The following SLC41A3 variants were observed in gnomAD, a reference collection of about 807,000 sequenced individuals.
SLC41A3 encodes the protein SLC41A1-like 2.
In SLC41A3, 44 loss-of-function variants were observed where a neutral mutation model predicts 45.4. The ratio of observed to expected loss-of-function variants is 0.97; its 90% CI spans 0.76 to 1.25. The LOEUF (loss-of-function observed/expected upper bound fraction) is 1.25. SLC41A3 is among the 50% of genes most tolerant of loss of function. The probability of loss-of-function intolerance (pLI) is 0.00; values close to 1 mark genes in which losing one functional copy is unlikely to be tolerated. For missense variants in SLC41A3, 550 were observed against 600.6 expected (o/e 0.92, Z 0.88); for synonymous variants, 256 against 252.4 (o/e 1.01, Z -0.13).
chr3:126,095,611 C>T (rs1293209639), intron 1 of SLC41A3, among the ~76,000 whole-genome samples: 1 of 152,200 alleles, frequency 6.6e-6, no homozygotes, highest in Non-Finnish European at 1.5e-5. Context: ...TTTCTGATCT[C>T]AGTATTTACC....
At chr3:126,096,232 GATT>G (rs1476389277) in intron 1 of SLC41A3, among the ~76,000 whole-genome samples, 6 of 152,212 alleles carry the variant, frequency 3.9e-5, no homozygotes, top group Non-Finnish European at 5.9e-5. Flanking sequence ...TGATTTCAAT[GATT>G]ATTATGCTTT....
chr3:126,035,643 G>A (rs1300407971), intron 3 of SLC41A3, among the ~76,000 whole-genome samples: 2 of 152,222 alleles, frequency 1.3e-5, no homozygotes, highest in Non-Finnish European at 2.9e-5. Context: ...TGGGTATCAA[G>A]GATGGAGGGA....
At chr3:126,034,530 G>A (rs1942043986) in intron 3 of SLC41A3, among the ~76,000 whole-genome samples, 1 of 152,214 alleles carries the variant, frequency 6.6e-6, no homozygotes, top group African/African-American at 2.4e-5. Flanking sequence ...CTGACATCTG[G>A]GATGCGGCAC....
intron 1 of SLC41A3, chr3:126,070,270 C>T (rs1229448229): frequency 6.6e-6 from 1 of 152,242 alleles, no homozygotes; most frequent in Non-Finnish European, 1.5e-5. Flanking sequence ...AGGTGAGCGG[C>T]TCCCGGCGAG....
chr3:126,040,402 C>A (rs1348052128), intron 3 of SLC41A3, among the ~76,000 whole-genome samples: 1 of 152,054 alleles, frequency 6.6e-6, no homozygotes, highest in African/African-American at 2.4e-5. Context: ...TGGAAAGTGA[C>A]AAATTGGGTT....
intron 1 of SLC41A3, among the ~76,000 whole-genome samples, chr3:126,080,798 A>C (rs899271824): frequency 1.3e-5 from 2 of 152,180 alleles, no homozygotes; most frequent in Non-Finnish European, 2.9e-5. Context: ...TAAAATACAA[A>C]AAATTAGCTG....
chr3:126,022,508 AGCTC>A (rs1940976174), intron 6 of SLC41A3, among the ~76,000 whole-genome samples: 2 of 152,250 alleles, frequency 1.3e-5, no homozygotes, highest in Non-Finnish European at 2.9e-5. Context: ...CCCAGCGTGC[AGCTC>A]AGGTCTCACC....
In SLC41A3 at chr3:126,007,131, C is replaced by G. The variant is rs1415537870; in HGVS notation, c.1349G>C (p.Gly450Ala). 3 of 1,614,056 alleles carry G rather than the reference C, an allele frequency of 1.9e-6. No homozygotes were observed. Among genetic ancestry groups the G allele is most frequent in the Non-Finnish European group, 1.7e-6 (2 of 1,180,044 alleles). The change falls in exon 11 of 11, where the codon GGG becomes GCG. Residue 450 changes from glycine (G) to alanine (A), a missense_variant. By Grantham distance (60) the Gly-to-Ala change is moderately conservative (BLOSUM62 0). Coordinates refer to ENST00000360370, the MANE Select transcript of SLC41A3 (RefSeq NM_017836.4). ...PDNHCIPYLTGLGDLLGTGLL... is the reference protein window; with the variant it reads ...PDNHCIPYLTALGDLLGTGLL... ...GCCAGTACCGAGCAGGTCCCCCAGC[C>G]CTGTAAGGTAGGGGATGCAGTGGTT...
chr3:126,066,751 C>T (rs1944365942), intron 2 of SLC41A3, among the ~76,000 whole-genome samples: 1 of 152,186 alleles, frequency 6.6e-6, no homozygotes, highest in African/African-American at 2.4e-5. Context: ...GCCTAATCCT[C>T]TTTACCTTGA....
At chr3:126,074,664 G>C (rs988808789) in intron 1 of SLC41A3, among the ~76,000 whole-genome samples, 1 of 151,792 alleles carries the variant, frequency 6.6e-6, no homozygotes, top group Non-Finnish European at 1.5e-5. Flanking sequence ...TTGGGTTTTT[G>C]GGTTGTTTGG....
intron 1 of SLC41A3, among the ~76,000 whole-genome samples, chr3:126,075,773 A>T (rs6414303): frequency 0.66 from 99,666 of 151,996 alleles, 32,983 homozygotes; most frequent in African/African-American, 0.72. Flanking sequence ...CAACTGAATA[A>T]TCACATGCAA....
intron 2 of SLC41A3, among the ~76,000 whole-genome samples, chr3:126,066,253 C>T (rs764611629): frequency 3.3e-5 from 5 of 152,320 alleles, no homozygotes; most frequent in African/African-American, 4.8e-5. Context: ...AACTGAGGCT[C>T]GCAGTCCAGT....
chr3:126,026,185 C>G lies in SLC41A3; in HGVS notation c.598+150G>C. ...GGCCATGAAGACCCAGCTGGCTCGT[C>G]CCACCCTGCCAGTGAGAACCCTGAG... On this transcript the variant is annotated intron_variant, in intron 5 of 10. Coordinates refer to ENST00000360370, the MANE Select transcript of SLC41A3 (RefSeq NM_017836.4). This position sits in a 1 kb window ranked among gnomAD's most constrained non-coding sequence, Gnocchi z 4.2. The G allele has an allele frequency of 1.6e-6, 2 of 1,270,004 alleles. No individual in the cohort carries two copies. The highest frequency in any genetic ancestry group is 2.1e-6 in the Non-Finnish European group (2 of 932,110). 78.7% of individuals were successfully genotyped at this position (1,270,004 alleles called of 1,614,324 possible).
Position 126,084,087 on chromosome 3 carries a change from G to GCTTACCGGGTCC in SLC41A3, c.-34_-28+5dup, listed in dbSNP as rs1945311125. ...CCAACCCCGCCCGGAACAGGGCCGC[G>GCTTACCGGGTCC]CTTACCGGGTCCCCTCCCAGGCGGC... is the stretch of plus-strand genomic sequence containing the variant. On this transcript the variant is annotated splice_donor_region_variant and intron_variant, in intron 1 of 10. Transcript: ENST00000360370. 6.6e-6 allele frequency: 1 copy of GCTTACCGGGTCC among 152,310 alleles called. No individual in the cohort carries two copies. 9.4% of individuals were successfully genotyped at this position (152,310 alleles called of 1,614,324 possible).
At chr3:126,085,771 C>A (rs989494838), upstream of SLC41A3, among the ~76,000 whole-genome samples, 1 of 151,924 alleles carries the variant, frequency 6.6e-6, no homozygotes, top group Non-Finnish European at 1.5e-5. Context: ...GGCATTTGCT[C>A]CTCCCAGCCA....
intron 6 of SLC41A3, among the ~76,000 whole-genome samples, chr3:126,018,744 AC>A (rs1940556699): frequency 6.6e-6 from 1 of 152,176 alleles, no homozygotes; most frequent in Admixed American, 6.5e-5. Flanking sequence ...AGTGTGGCCG[AC>A]CAGCCTCAGG....
intron 2 of SLC41A3, among the ~76,000 whole-genome samples, chr3:126,054,878 T>C (rs1451930447): frequency 1.3e-5 from 2 of 152,004 alleles, no homozygotes; most frequent in African/African-American, 2.4e-5. Flanking sequence ...GATGAGGCTA[T>C]TGGGGGAACA....
At chr3:126,007,859 C>T (rs564252787) in intron 10 of SLC41A3, among the ~76,000 whole-genome samples, 13 of 152,242 alleles carry the variant, frequency 8.5e-5, no homozygotes, top group African/African-American at 1.9e-4. Flanking sequence ...TGCCCTCCAG[C>T]GCCCACGGTG....
intron 8 of SLC41A3, among the ~76,000 whole-genome samples, chr3:126,015,145 G>A (rs761795811): frequency 9.8e-5 from 15 of 152,330 alleles, no homozygotes; most frequent in Admixed American, 4.6e-4. Context: ...CCAGCGCCCC[G>A]GTTCTGAAGG....
Sources: allele counts gnomAD v4.1 joint callset (sites outside exome capture counted in the v4.1 genomes callset), GRCh38; gene constraint gnomAD v4.1.1; non-coding constraint Gnocchi (gnomAD v3.1); transcripts MANE v1.5; gene names NCBI Gene and HGNC (gene_info 2026-07-23, HGNC 2026-07-21).